Variants in CNTD1 observed in about 807,000 individuals in gnomAD.
The protein encoded by CNTD1 is cyclin N-terminal domain containing 1, also known as cyclin N-terminal domain-containing protein 1.
CNTD1 carries 17 observed loss-of-function variants against 36.3 expected under a neutral mutation model. The observed-to-expected ratio is 0.47, with a 90% CI of 0.32 to 0.70. The LOEUF (loss-of-function observed/expected upper bound fraction) is 0.70. CNTD1 is among the 30% of genes least tolerant of loss of function. The probability of loss-of-function intolerance (pLI) is 0.03; values close to 1 mark genes in which losing one functional copy is unlikely to be tolerated. For synonymous variants in CNTD1, 128 were observed against 153.3 expected (o/e 0.83, Z 1.22); for missense variants, 338 against 386.1 (o/e 0.88, Z 1.04).
At position 42,811,206 on chromosome 17, in the gene CNTD1, T is replaced by G; in HGVS notation, c.*1671T>G. On this transcript the variant is annotated 3_prime_UTR_variant, in exon 7 of 7. Transcript: ENST00000588408. ...GAGGGTTACAGTACTTCTTGCTGTT[T>G]TCCTAGGCATCCCTGAACTTGGCGG... 2.9e-6 allele frequency: 1 copy of G among 342,380 alleles called. No homozygotes were observed. The highest frequency in any genetic ancestry group is 5.2e-6 in the Non-Finnish European group (1 of 191,798). The allele number at this position is 342,380 out of a possible 1,614,324, so 21.2% of individuals were successfully genotyped here.
chr17:42,798,945 C>G lies in CNTD1; in HGVS notation c.-123C>G, dbSNP rs542803148. ...AATTGGGTTTTCCTCAGACTTGAGG[C>G]GACGACACACTCATTGGAAGGGGAC... On this transcript the variant is annotated 5_prime_UTR_variant, in exon 1 of 7. Coordinates refer to ENST00000588408, the MANE Select transcript of CNTD1 (RefSeq NM_173478.3). 2 of 1,467,486 alleles carry G rather than the reference C, an allele frequency of 1.4e-6. No homozygotes were observed. The highest frequency in any genetic ancestry group is 1.8e-6 in the Non-Finnish European group (2 of 1,111,142). 90.9% of individuals were successfully genotyped at this position (1,467,486 alleles called of 1,614,324 possible).
chr17:42,810,754 A>G lies in CNTD1; in HGVS notation c.*1219A>G. ...TTTAAGGCAAACCTCCCCCTAAGGAAAAAAGTCATTTGTTATAAAATTGTG... is the reference window on the plus strand; with the variant it reads ...TTTAAGGCAAACCTCCCCCTAAGGAGAAAAGTCATTTGTTATAAAATTGTG... On this transcript the variant is annotated 3_prime_UTR_variant, in exon 7 of 7. Coordinates refer to ENST00000588408, the MANE Select transcript of CNTD1 (RefSeq NM_173478.3). 6.3e-7 allele frequency: 1 copy of G among 1,595,318 alleles called. No homozygotes were observed.
At chr17:42,808,771 G>A (rs1473932995) in intron 6 of CNTD1, among the ~76,000 whole-genome samples, 1 of 151,268 alleles carries the variant, frequency 6.6e-6, no homozygotes, top group Non-Finnish European at 1.5e-5. Flanking sequence ...ACAAAGGCCA[G>A]GCAGGGTTGC....
Position 42,804,342 on chromosome 17 carries a change from T to G in CNTD1, c.363T>G (p.Thr121=). 1.2e-6 allele frequency: 2 copies of G among 1,614,124 alleles called. No homozygotes were observed. Among genetic ancestry groups the G allele is most frequent in the South Asian group, 2.2e-5 (2 of 91,082 alleles). The change falls in exon 3 of 7, where the codon ACT becomes ACG. Residue 121 remains threonine (T), a synonymous_variant. Coordinates refer to ENST00000588408, the MANE Select transcript of CNTD1 (RefSeq NM_173478.3). ...AACAGCAGCTTGTCAACAAGTTTAC[T>G]CTCCGTCTTGTGTCATGTGTTCAGC... The part of the protein sequence containing the change: ...ALKQQLVNKF[T]LRLVSCVQLA...
intron 6 of CNTD1, among the ~76,000 whole-genome samples, chr17:42,808,775 G>A (rs2054929974): frequency 6.6e-6 from 1 of 151,494 alleles, no homozygotes; most frequent in Non-Finnish European, 1.5e-5. Flanking sequence ...AGGCCAGGCA[G>A]GGTTGCTCAC....
intron 1 of CNTD1, among the ~76,000 whole-genome samples, chr17:42,801,510 A>AAAATATATAT (rs1289580717): frequency 3.1e-4 from 17 of 54,340 alleles, no homozygotes; most frequent in Admixed American, 8.3e-4. Flanking sequence ...AAAAAAAAAA[A>AAAATATATAT]ATATATATAT....
intron 6 of CNTD1, among the ~76,000 whole-genome samples, chr17:42,808,712 C>T (rs758582328): frequency 3.3e-4 from 50 of 150,558 alleles, no homozygotes; most frequent in Admixed American, 9.9e-4. Context: ...CTAGCCTGGG[C>T]GACAGAGTGA....
chr17:42,803,841 GTTA>G, intron 2 of CNTD1, 146 bp downstream of exon 2: 1 of 712,602 alleles, frequency 1.4e-6, no homozygotes, highest in Non-Finnish European at 2.4e-6. Flanking sequence ...TTTCTTTGTT[GTTA>G]TTGTTGTTTT....
intron 1 of CNTD1, among the ~76,000 whole-genome samples, chr17:42,800,052 C>G (rs1160257896): frequency 8.5e-6 from 1 of 117,916 alleles, no homozygotes; most frequent in Non-Finnish European, 1.6e-5. Flanking sequence ...TGACGGGTGA[C>G]AGAGCGAGAC....
Position 42,810,938 on chromosome 17 carries a change from G to A in CNTD1, c.*1403G>A, listed in dbSNP as rs1567666766. 2 of 1,596,860 alleles carry A rather than the reference G, an allele frequency of 1.3e-6. No homozygotes were observed. The highest frequency in any genetic ancestry group is 1.7e-6 in the Non-Finnish European group (2 of 1,171,466). ...TTTCTCCACATCCATCCTGCAGATGGACAGAGCAAAACTCATTAGTAACTG... is the reference window on the plus strand; with the variant it reads ...TTTCTCCACATCCATCCTGCAGATGAACAGAGCAAAACTCATTAGTAACTG... On this transcript the variant is annotated 3_prime_UTR_variant, in exon 7 of 7. Coordinates refer to ENST00000588408, the MANE Select transcript of CNTD1 (RefSeq NM_173478.3).
rs2054977460 is a variant in CNTD1 at position 42,810,674 on chromosome 17, A to G, written c.*1139A>G. 1.4e-6 allele frequency: 2 copies of G among 1,419,638 alleles called. No homozygotes were observed. The highest frequency in any genetic ancestry group is 1.9e-6 in the Non-Finnish European group (2 of 1,051,104). 87.9% of individuals were successfully genotyped at this position (1,419,638 alleles called of 1,614,324 possible). Reference sequence around the variant, plus strand: ...TGGTATTGTAAACATGTACTGTTTAATATTACCCGAATTTAATTTAAAACA... The same window carrying G: ...TGGTATTGTAAACATGTACTGTTTAGTATTACCCGAATTTAATTTAAAACA... On this transcript the variant is annotated 3_prime_UTR_variant, in exon 7 of 7. Coordinates refer to ENST00000588408, the MANE Select transcript of CNTD1 (RefSeq NM_173478.3).
Position 42,811,045 on chromosome 17 carries a change from G to T in CNTD1, c.*1510G>T. 1 of 1,102,606 alleles carries T rather than the reference G, an allele frequency of 9.1e-7. No homozygotes were observed. Among genetic ancestry groups the T allele is most frequent in the East Asian group, 2.6e-5 (1 of 39,168 alleles). The allele number at this position is 1,102,606 out of a possible 1,614,324, so 68.3% of individuals were successfully genotyped here. A position where few individuals can be genotyped will look rare whatever the true frequency, so the allele number is the denominator to read the frequency against. ...TTTTATCTATTAAAGAACACTTGGT[G>T]AGGAATGATAGTGTATTTTGGATTT... On this transcript the variant is annotated 3_prime_UTR_variant, in exon 7 of 7. Coordinates refer to ENST00000588408, the MANE Select transcript of CNTD1 (RefSeq NM_173478.3).
chr17:42,803,857 G>A (rs2144120314), intron 2 of CNTD1, among the ~76,000 whole-genome samples, 162 bp downstream of exon 2: 2 of 152,254 alleles, frequency 1.3e-5, no homozygotes, highest in East Asian at 3.9e-4. Flanking sequence ...GTTGTTTTGA[G>A]ACAGGGTCTT....
chr17:42,806,907 A>C (rs1268020678), intron 5 of CNTD1, 89 bp downstream of exon 5: 2 of 1,275,574 alleles, frequency 1.6e-6, no homozygotes, highest in Non-Finnish European at 2.2e-6. Context: ...TTAGCCTAGC[A>C]TGGCATCCAG....
chr17:42,804,101 A>T, intron 2 of CNTD1, 124 bp from the exon 3 acceptor site: 1 of 845,350 alleles, frequency 1.2e-6, no homozygotes, highest in East Asian at 2.8e-5. Flanking sequence ...GGCCTCCCAA[A>T]GTGCTGGGAT....
At chr17:42,801,195 A>AC (rs113418311) in intron 1 of CNTD1, among the ~76,000 whole-genome samples, 23 of 149,454 alleles carry the variant, frequency 1.5e-4, no homozygotes, top group South Asian at 1.3e-3. Flanking sequence ...CCAAAAAAAA[A>AC]AAAAACAACA....
At chr17:42,799,621 G>A (rs369752434) in intron 1 of CNTD1, among the ~76,000 whole-genome samples, 14 of 151,588 alleles carry the variant, frequency 9.2e-5, no homozygotes, top group South Asian at 2.1e-4. Flanking sequence ...GACTGGTGGC[G>A]CGCACCTCTA....
chr17:42,799,352 C>T, intron 1 of CNTD1, 116 bp downstream of exon 1: 1 of 1,174,014 alleles, frequency 8.5e-7, no homozygotes, highest in Non-Finnish European at 1.2e-6. Flanking sequence ...GCTAACACCT[C>T]TCTGTGGGGT....
intron 1 of CNTD1, among the ~76,000 whole-genome samples, chr17:42,799,936 C>T (rs1374674947): frequency 2.0e-4 from 30 of 150,714 alleles, no homozygotes; most frequent in Non-Finnish European, 3.5e-4. Flanking sequence ...TGGTGGCGGG[C>T]GCCTGTAGTC....
Sources: allele counts gnomAD v4.1 joint callset (sites outside exome capture counted in the v4.1 genomes callset), GRCh38; gene constraint gnomAD v4.1.1; transcripts MANE v1.5; gene names NCBI Gene and HGNC (gene_info 2026-07-23, HGNC 2026-07-21).